HTR2C: variants seen among roughly 807,000 people sequenced by gnomAD.
The protein encoded by HTR2C is 5-hydroxytryptamine (serotonin) receptor 2C, G protein-coupled.
In HTR2C, 5 loss-of-function variants were observed where a neutral mutation model predicts 21.0. The ratio of observed to expected loss-of-function variants is 0.24; its 90% CI spans 0.12 to 0.50. HTR2C has a LOEUF of 0.50. Ranked by LOEUF, HTR2C falls within the 20% of genes least tolerant of loss-of-function variation. HTR2C has a pLI of 0.98. For missense variants in HTR2C, 271 were observed against 371.2 expected (o/e 0.73, Z 2.22); for synonymous variants, 150 against 145.3 (o/e 1.03, Z -0.23).
chrX:114,600,962 A>G (rs1388167837), intron 1 of HTR2C, among the ~76,000 whole-genome samples: 2 of 111,617 alleles, frequency 1.8e-5, no homozygotes, highest in Non-Finnish European at 3.8e-5. Context: ...GAAACTTGTC[A>G]TTTCAAGTTT....
chrX:114,638,952 T>A (rs1929979022), intron 2 of HTR2C, among the ~76,000 whole-genome samples: 3 of 110,608 alleles, frequency 2.7e-5, no homozygotes, highest in South Asian at 7.8e-4. Context: ...TGGTTCCAAG[T>A]CTGTTATTGT....
intron 4 of HTR2C, among the ~76,000 whole-genome samples, chrX:114,805,487 G>C (rs1472412585): frequency 1.3e-5 from 1 of 74,455 alleles, no homozygotes; most frequent in Admixed American, 1.7e-4. Context: ...TTAAATTTTG[G>C]TGGGTACATT....
chrX:114,758,053 T>C, intron 4 of HTR2C, among the ~76,000 whole-genome samples: 1 of 111,346 alleles, frequency 9.0e-6, no homozygotes, highest in Non-Finnish European at 1.9e-5. Flanking sequence ...TTCCTGCAGA[T>C]TTGCTACTCT....
chrX:114,661,351 G>A lies in HTR2C; in HGVS notation c.-80+47470G>A, dbSNP rs998333793. Among the ~76,000 whole-genome samples the A allele has an allele frequency of 1.7e-3, 190 of 109,471 alleles. 1 individual carries two copies. The highest frequency in any genetic ancestry group is 6.0e-3 in the African/African-American group (182 of 30,154). On this transcript the variant is annotated intron_variant, in intron 2 of 5. Coordinates refer to ENST00000276198, the MANE Select transcript of HTR2C (RefSeq NM_000868.4). The stretch of plus-strand genomic sequence containing the variant: ...CAGCTACTCGGGAGGCTGAGGCCAC[G>A]TAAATACACAATAATTGTTTTGCTA...
intron 2 of HTR2C, among the ~76,000 whole-genome samples, chrX:114,648,497 G>A (rs973739618): frequency 1.8e-5 from 2 of 111,694 alleles, no homozygotes; most frequent in African/African-American, 6.5e-5. Flanking sequence ...GGAGGCCGAG[G>A]AGGGAAGATT....
intron 4 of HTR2C, 34 bp downstream of exon 4, chrX:114,731,641 A>G: frequency 8.2e-6 from 8 of 979,791 alleles, no homozygotes; most frequent in Non-Finnish European, 1.1e-5. Context: ...TCAATCTCGT[A>G]TAATGTCATA....
chrX:114,812,566 C>A (rs1192586209), intron 4 of HTR2C, among the ~76,000 whole-genome samples: 6 of 110,115 alleles, frequency 5.4e-5, no homozygotes, highest in Non-Finnish European at 1.1e-4. Flanking sequence ...CCCATCTCTA[C>A]TAAAACTACG....
intron 2 of HTR2C, among the ~76,000 whole-genome samples, chrX:114,665,192 ACCT>A (rs1247328800): frequency 9.0e-6 from 1 of 111,199 alleles, no homozygotes; most frequent in Non-Finnish European, 1.9e-5. Context: ...AGCAGAGGAG[ACCT>A]CCTTATTACA....
At chrX:114,877,731 G>A (rs1307679933) in intron 5 of HTR2C, among the ~76,000 whole-genome samples, 2 of 109,889 alleles carry the variant, frequency 1.8e-5, no homozygotes, top group African/African-American at 6.6e-5. Flanking sequence ...ATTTGGGAGT[G>A]TGTGGTTTAA....
At chrX:114,588,436 T>A (rs1409624745) in intron 1 of HTR2C, among the ~76,000 whole-genome samples, 1 of 111,716 alleles carries the variant, frequency 9.0e-6, no homozygotes, top group East Asian at 2.8e-4. Flanking sequence ...CATTGTCCAG[T>A]GCAACAGCCA....
intron 4 of HTR2C, among the ~76,000 whole-genome samples, chrX:114,787,901 G>T (rs2428732): frequency 2.0e-5 from 2 of 100,591 alleles, no homozygotes; most frequent in Admixed American, 1.1e-4. Flanking sequence ...GGGCCAAGAT[G>T]GTGCCACTGC....
chrX:114,801,173 G>A (rs1556446725), intron 4 of HTR2C, among the ~76,000 whole-genome samples: 2 of 111,200 alleles, frequency 1.8e-5, no homozygotes, highest in African/African-American at 6.5e-5. Context: ...TGTTGCTTAA[G>A]CATACAGTAT....
In HTR2C at chrX:114,855,047, TAGCTAGATTCTCATCTCTG is replaced by T. The variant is rs1422287509; in HGVS notation, c.550+6845_550+6863del. The stretch of plus-strand genomic sequence containing the variant: ...TTTAATCATCTGACTTAATAGAAGA[TAGCTAGATTCTCATCTCTG>T]TTTTTTTCATCCAATTTATTGCAAC... On this transcript the variant is annotated intron_variant, in intron 5 of 5. Coordinates refer to ENST00000276198, the MANE Select transcript of HTR2C (RefSeq NM_000868.4). 4.5e-5 allele frequency among the ~76,000 whole-genome samples: 5 copies of T among 112,100 alleles called. No homozygotes were observed. The Admixed American group carries it at 4.7e-4, about 11-fold the overall frequency.
intron 1 of HTR2C, among the ~76,000 whole-genome samples, chrX:114,591,616 C>T (rs1337126631): frequency 3.6e-5 from 4 of 111,612 alleles, no homozygotes; most frequent in African/African-American, 1.3e-4. Context: ...CTAAATTTCA[C>T]GTAAGTAAAT....
intron 2 of HTR2C, among the ~76,000 whole-genome samples, chrX:114,616,063 A>G (rs1428947100): frequency 9.0e-6 from 1 of 111,530 alleles, no homozygotes; most frequent in African/African-American, 3.3e-5. Context: ...TATCAGTGAC[A>G]TGAAAAAGAT....
At chrX:114,891,797 T>A (rs957269698) in intron 5 of HTR2C, among the ~76,000 whole-genome samples, 17 of 111,395 alleles carry the variant, frequency 1.5e-4, no homozygotes, top group African/African-American at 4.6e-4. Context: ...CTGTTTTTTT[T>A]TATAAGAATA....
chrX:114,619,466 C>T (rs782208275), intron 2 of HTR2C, among the ~76,000 whole-genome samples: 5 of 111,077 alleles, frequency 4.5e-5, no homozygotes, highest in African/African-American at 6.6e-5. Context: ...ATCATATATT[C>T]CCTCACCCCC....
chrX:114,839,255 AAAACAG>A (rs1556464899), intron 4 of HTR2C, among the ~76,000 whole-genome samples: 1 of 112,483 alleles, frequency 8.9e-6, no homozygotes, highest in Admixed American at 9.4e-5. Context: ...ACAGGAATCC[AAAACAG>A]AGATATTGGC....
chrX:114,611,758 C>T (rs1162671324), intron 1 of HTR2C, among the ~76,000 whole-genome samples: 1 of 111,447 alleles, frequency 9.0e-6, no homozygotes, highest in East Asian at 2.8e-4. Flanking sequence ...AGTGCAGTGG[C>T]GCGATCTCGG....
Sources: gnomAD v4.1 joint callset for allele counts (sites outside exome capture counted in the v4.1 genomes callset) on GRCh38, gnomAD v4.1.1 for gene constraint, MANE v1.5 for transcripts, NCBI Gene and HGNC (gene_info 2026-07-23, HGNC 2026-07-21) for gene names.